ZFPM2: variants seen among roughly 807,000 people sequenced by gnomAD.
The protein encoded by ZFPM2 is zinc finger protein ZFPM2.
Under a neutral mutation model 98.6 loss-of-function variants are expected in ZFPM2, and 20 were observed. That is an observed-to-expected ratio of 0.20 (90% confidence interval 0.14 to 0.29). The LOEUF (loss-of-function observed/expected upper bound fraction) is 0.29. Ranked by LOEUF, ZFPM2 falls within the 10% of genes least tolerant of loss-of-function variation. The pLI is 1.00. For synonymous variants in ZFPM2, 518 were observed against 502.7 expected, an observed-to-expected ratio of 1.03 and a Z score of -0.41; for missense variants, 1,310 against 1,388.6, an observed-to-expected ratio of 0.94 and a Z score of 0.90.
intron 4 of ZFPM2, among the ~76,000 whole-genome samples, chr8:105,587,410 T>A (rs1815746881): frequency 6.6e-6 from 1 of 151,454 alleles, no homozygotes; most frequent in Non-Finnish European, 1.5e-5. Flanking sequence ...AGCAACGAAC[T>A]ACCCTTTATT....
chr8:105,351,460 G>A (rs1234483959), intron 1 of ZFPM2, among the ~76,000 whole-genome samples: 1 of 151,812 alleles, frequency 6.6e-6, no homozygotes, highest in African/African-American at 2.4e-5. Context: ...CAGATAAGGA[G>A]GGCTGACTGT....
chr8:105,636,338 T>C (rs2130843257), intron 5 of ZFPM2, among the ~76,000 whole-genome samples: 1 of 152,278 alleles, frequency 6.6e-6, no homozygotes, highest in East Asian at 1.9e-4. Flanking sequence ...AGAAGCTTAT[T>C]AATTCATTAA....
At chr8:105,658,636 A>AGATTTTCCT (rs1817334552) in intron 5 of ZFPM2, among the ~76,000 whole-genome samples, 1 of 151,102 alleles carries the variant, frequency 6.6e-6, no homozygotes, top group Non-Finnish European at 1.5e-5. Context: ...CTGCATCACT[A>AGATTTTCCT]GATTTTCCTG....
chr8:105,491,271 T>C (rs1813351131), intron 3 of ZFPM2, among the ~76,000 whole-genome samples: 1 of 152,108 alleles, frequency 6.6e-6, no homozygotes, highest in Non-Finnish European at 1.5e-5. Context: ...CATCCTTTCA[T>C]AGTGAGAAGA....
chr8:105,657,414 C>T (rs987579883), intron 5 of ZFPM2, among the ~76,000 whole-genome samples: 2 of 152,128 alleles, frequency 1.3e-5, no homozygotes, highest in African/African-American at 2.4e-5. Context: ...GCTGGGATTA[C>T]GGGAGTGAGC....
At chr8:105,710,892 C>T (rs538786149) in intron 5 of ZFPM2, among the ~76,000 whole-genome samples, 1 of 152,154 alleles carries the variant, frequency 6.6e-6, no homozygotes, top group Admixed American at 6.6e-5. Context: ...TGAACATTCA[C>T]TTGGAATCCC....
At chr8:105,483,201 A>T (rs1813159169) in intron 3 of ZFPM2, among the ~76,000 whole-genome samples, 1 of 152,038 alleles carries the variant, frequency 6.6e-6, no homozygotes, top group Non-Finnish European at 1.5e-5. Context: ...TACCTCTGCA[A>T]TGTTCTCTTA....
intron 1 of ZFPM2, among the ~76,000 whole-genome samples, chr8:105,389,607 GT>G (rs1341178013): frequency 6.6e-5 from 10 of 152,144 alleles, no homozygotes; most frequent in African/African-American, 2.4e-4. Context: ...GAGAAAATCA[GT>G]TTTCTAATTT....
chr8:105,657,864 G>T (rs549380005), intron 5 of ZFPM2, among the ~76,000 whole-genome samples: 1 of 152,200 alleles, frequency 6.6e-6, no homozygotes, highest in South Asian at 2.1e-4. Flanking sequence ...TTTTAATCAT[G>T]TTAAAATTTT....
At chr8:105,788,308 T>C (rs1813483334) in intron 5 of ZFPM2, among the ~76,000 whole-genome samples, 1 of 152,134 alleles carries the variant, frequency 6.6e-6, no homozygotes, top group Admixed American at 6.6e-5. Flanking sequence ...ACTTTTTACT[T>C]TCATAAAATA....
chr8:105,464,755 G>A (rs940889818), intron 3 of ZFPM2, among the ~76,000 whole-genome samples: 2 of 151,658 alleles, frequency 1.3e-5, no homozygotes, highest in African/African-American at 4.9e-5. Flanking sequence ...TATCTTGAAG[G>A]GAAAAAAACC....
intron 2 of ZFPM2, among the ~76,000 whole-genome samples, chr8:105,435,200 A>T (rs1190061101): frequency 1.3e-5 from 2 of 152,232 alleles, no homozygotes; most frequent in Non-Finnish European, 2.9e-5. Context: ...GGAAAGGCCC[A>T]CAAAATACGT....
chr8:105,629,285 G>T (rs549505225), intron 4 of ZFPM2, among the ~76,000 whole-genome samples: 19 of 152,322 alleles, frequency 1.2e-4, no homozygotes, highest in African/African-American at 4.6e-4. Flanking sequence ...CCCCTGTTGC[G>T]AGTCCTGTGA....
intron 3 of ZFPM2, among the ~76,000 whole-genome samples, chr8:105,449,873 G>C: frequency 6.6e-6 from 1 of 152,024 alleles, no homozygotes; most frequent in South Asian, 2.1e-4. Flanking sequence ...AATTGTACCT[G>C]TGTGGCCATT....
At chr8:105,441,757 G>T (rs1363827602) in intron 2 of ZFPM2, among the ~76,000 whole-genome samples, 1 of 152,076 alleles carries the variant, frequency 6.6e-6, no homozygotes, top group Non-Finnish European at 1.5e-5. Context: ...TATGGCCTGG[G>T]ATCTGACCAA....
Position 105,318,777 on chromosome 8 carries a change from C to T in ZFPM2, c.-165C>T. ...GCTTGCTCATCTCCGAACGTGAATC[C>T]GCGGCTCCCGGAGGAGCCCAGCGCC... On this transcript the variant is annotated 5_prime_UTR_variant, in exon 1 of 8. Coordinates refer to ENST00000407775, the MANE Select transcript of ZFPM2 (RefSeq NM_012082.4). 5.6e-6 allele frequency: 1 copy of T among 177,730 alleles called. No homozygotes were observed. Among genetic ancestry groups the T allele is most frequent in the Non-Finnish European group, 1.1e-5 (1 of 91,882 alleles). 11.0% of individuals were successfully genotyped at this position (177,730 alleles called of 1,614,324 possible). A position where few individuals can be genotyped will look rare whatever the true frequency, so the allele number is the denominator to read the frequency against.
chr8:105,376,006 G>T (rs970999417), intron 1 of ZFPM2, among the ~76,000 whole-genome samples: 1 of 152,070 alleles, frequency 6.6e-6, no homozygotes, highest in Non-Finnish European at 1.5e-5. Flanking sequence ...TCTTGAAATT[G>T]TTGTCTCTAG....
At chr8:105,615,705 T>TA (rs1256284112) in intron 4 of ZFPM2, among the ~76,000 whole-genome samples, 8 of 152,152 alleles carry the variant, frequency 5.3e-5, no homozygotes, top group South Asian at 2.1e-4. Context: ...CATGAAAACT[T>TA]AGAGTCAGAA....
intron 3 of ZFPM2, among the ~76,000 whole-genome samples, chr8:105,505,071 A>G (rs1813672139): frequency 6.6e-6 from 1 of 152,206 alleles, no homozygotes; most frequent in African/African-American, 2.4e-5. Context: ...AGAAAATTAC[A>G]TGGGTTTGGA....
Sources: allele counts gnomAD v4.1 joint callset (sites outside exome capture counted in the v4.1 genomes callset), GRCh38; gene constraint gnomAD v4.1.1; transcripts MANE v1.5; gene names NCBI Gene and HGNC (gene_info 2026-07-23, HGNC 2026-07-21).